Variants in OGDH observed in about 807,000 individuals in gnomAD.
OGDH encodes oxoglutarate dehydrogenase.
A neutral mutation model predicts 116.6 loss-of-function variants in OGDH; 38 were observed. The ratio of observed to expected loss-of-function variants is 0.33; its 90% confidence interval spans 0.25 to 0.43. OGDH has a LOEUF of 0.43. Among genes scored for constraint, OGDH ranks in the 20% least tolerant of loss-of-function variants. The pLI is 1.00. For missense variants in OGDH, 825 were observed against 1,357.2 expected, an observed-to-expected ratio of 0.61 and a Z score of 6.16; for synonymous variants, 488 against 533.3, an observed-to-expected ratio of 0.92 and a Z score of 1.17.
chr7:44,702,205 A>C (rs1788864257), intron 20 of OGDH, among the ~76,000 whole-genome samples: 1 of 152,194 alleles, frequency 6.6e-6, no homozygotes, highest in South Asian at 2.1e-4. Context: ...CAAGGACTCC[A>C]CTAGAGGCAA....
intron 5 of OGDH, among the ~76,000 whole-genome samples, chr7:44,671,787 A>T (rs1026535090): frequency 8.0e-5 from 10 of 124,704 alleles, no homozygotes; most frequent in African/African-American, 6.0e-5. Flanking sequence ...AAAAAAAAAA[A>T]TGCCAGACGC....
chr7:44,659,483 C>T lies in OGDH; in HGVS notation c.518-7253C>T, dbSNP rs1088866. On this transcript the variant is annotated intron_variant, in intron 4 of 22. Transcript: ENST00000222673. ...ATTGGTGTTAACTCTTCTTCAAATA[C>T]TTTATAGAATTTTCCAGCAAAATCA... Among the ~76,000 whole-genome samples the T allele has an allele frequency of 3.1e-3, 470 of 152,240 alleles. 2 individuals carry two copies. Among genetic ancestry groups the T allele is most frequent in the African/African-American group, 0.011 (459 of 41,566 alleles).
At chr7:44,666,216 G>A (rs921919914) in intron 4 of OGDH, among the ~76,000 whole-genome samples, 5 of 152,124 alleles carry the variant, frequency 3.3e-5, no homozygotes, top group African/African-American at 9.7e-5. Context: ...GTTGACTTCT[G>A]GTGACTGTTT....
intron 1 of OGDH, among the ~76,000 whole-genome samples, chr7:44,620,564 A>G (rs1784971867): frequency 6.6e-6 from 1 of 152,222 alleles, no homozygotes; most frequent in South Asian, 2.1e-4. Context: ...TAGTTGTCCC[A>G]GCACCTTCAG....
intron 10 of OGDH, among the ~76,000 whole-genome samples, chr7:44,693,175 G>A (rs570312527): frequency 1.3e-5 from 2 of 152,154 alleles, no homozygotes; most frequent in African/African-American, 4.8e-5. Context: ...AGGCATGGTG[G>A]TGCGTGCCTG....
At chr7:44,666,236 T>G (rs574941145) in intron 4 of OGDH, among the ~76,000 whole-genome samples, 1 of 152,324 alleles carries the variant, frequency 6.6e-6, no homozygotes, top group South Asian at 2.1e-4. Flanking sequence ...TCTCCTTCAC[T>G]TCTTAGTCCC....
intron 10 of OGDH, among the ~76,000 whole-genome samples, chr7:44,689,361 A>G (rs560687032): frequency 7.1e-6 from 1 of 140,902 alleles, no homozygotes; most frequent in Admixed American, 7.3e-5. Context: ...GATTACAGGC[A>G]CGCACCACCA....
chr7:44,631,085 T>C (rs189528424), intron 2 of OGDH, among the ~76,000 whole-genome samples: 18 of 152,062 alleles, frequency 1.2e-4, no homozygotes, highest in Admixed American at 2.6e-4. Context: ...GGCCCGGGGG[T>C]TGGGGATCCC....
chr7:44,635,952 C>G (rs1785651115), intron 2 of OGDH, among the ~76,000 whole-genome samples: 1 of 152,248 alleles, frequency 6.6e-6, no homozygotes, highest in Non-Finnish European at 1.5e-5. Context: ...ATCCGCCCGC[C>G]TCAGCCTCCC....
chr7:44,664,003 C>T (rs1357796129), intron 4 of OGDH, among the ~76,000 whole-genome samples: 3 of 151,828 alleles, frequency 2.0e-5, no homozygotes, highest in Non-Finnish European at 4.4e-5. Context: ...GCGATTCTAA[C>T]ATATTGGTCA....
intron 1 of OGDH, among the ~76,000 whole-genome samples, chr7:44,612,253 T>A (rs1051987554): frequency 2.0e-5 from 3 of 152,342 alleles, no homozygotes; most frequent in Middle Eastern, 3.4e-3. Flanking sequence ...ATTCCATTGA[T>A]CTTTGTGTCT....
At chr7:44,680,065 AGC>A (rs1436981988) in intron 9 of OGDH, among the ~76,000 whole-genome samples, 1 of 152,170 alleles carries the variant, frequency 6.6e-6, no homozygotes, top group East Asian at 1.9e-4. Flanking sequence ...TGCCAAAATT[AGC>A]CAGGCATGGT....
At position 44,645,512 on chromosome 7, in the gene OGDH, A is replaced by C. The variant is rs1786133694; in HGVS notation, c.408A>C (p.Ala136=). The change falls in exon 3 of 23, where the codon GCA becomes GCC. Residue 136 remains alanine (A), a synonymous_variant. Coordinates refer to ENST00000222673, the MANE Select transcript of OGDH (RefSeq NM_002541.4). ...DHLAVQSLIR[A]YQIRGHHVAQ... is the part of the protein sequence containing the mutation. ...TGGCAGTGCAGTCGCTCATCAGGGC[A>C]TATCAGGTAAGGCGGGTGCTTTACC... is the stretch of plus-strand genomic sequence containing the variant. The C allele has an allele frequency of 6.2e-7, 1 of 1,613,958 alleles. No individual in the cohort carries two copies. Among genetic ancestry groups the C allele is most frequent in the African/African-American group, 1.3e-5 (1 of 74,924 alleles).
chr7:44,647,769 T>C lies in OGDH; in HGVS notation c.517+10T>C, dbSNP rs1360641348. On this transcript the variant is annotated intron_variant, in intron 4 of 22. Transcript: ENST00000222673. ...TCCACAGACAAACTTGGTGAGGGTC[T>C]GAGAGCAGTCAGCTGCGTTGCTTGA... is the stretch of plus-strand genomic sequence containing the variant. 7 of 1,610,344 alleles carry C rather than the reference T, an allele frequency of 4.3e-6. No individual in the cohort carries two copies. The highest frequency in any genetic ancestry group is 5.9e-6 in the Non-Finnish European group (7 of 1,176,800).
chr7:44,695,005 G>A (rs930115321), intron 12 of OGDH, among the ~76,000 whole-genome samples: 1 of 152,152 alleles, frequency 6.6e-6, no homozygotes, highest in African/African-American at 2.4e-5. Flanking sequence ...AGCTATATCT[G>A]AGCATGGGAA....
chr7:44,654,463 C>A (rs1402508791), intron 4 of OGDH, among the ~76,000 whole-genome samples: 1 of 152,104 alleles, frequency 6.6e-6, no homozygotes, highest in African/African-American at 2.4e-5. Context: ...CCGGTTTGTT[C>A]CTTTGATGGC....
At chr7:44,669,813 C>A (rs1313356639) in intron 5 of OGDH, among the ~76,000 whole-genome samples, 1 of 152,134 alleles carries the variant, frequency 6.6e-6, no homozygotes, top group Non-Finnish European at 1.5e-5. Flanking sequence ...TAGAAGACTC[C>A]ATTTTCACAA....
intron 20 of OGDH, among the ~76,000 whole-genome samples, chr7:44,702,256 G>A (rs1028332582): frequency 5.3e-5 from 8 of 152,168 alleles, no homozygotes; most frequent in South Asian, 4.1e-4. Flanking sequence ...CGCTGCCTGC[G>A]GCCTCCTTCA....
Position 44,708,219 on chromosome 7 carries a change from A to T in OGDH, c.*220A>T. ...GCCCAGGCTCTGCTGACTTCTGAGC[A>T]GTTTTCCAGGAGGCCGGGGGGAGCA... On this transcript the variant is annotated 3_prime_UTR_variant, in exon 23 of 23. Transcript: ENST00000222673. 1 of 579,522 alleles carries T rather than the reference A, an allele frequency of 1.7e-6. No homozygotes were observed. Among genetic ancestry groups the T allele is most frequent in the Non-Finnish European group, 2.9e-6 (1 of 347,014 alleles). The allele number at this position is 579,522 out of a possible 1,614,324, so 35.9% of individuals were successfully genotyped here.
Sources: gnomAD v4.1 joint callset for allele counts (sites outside exome capture counted in the v4.1 genomes callset) on GRCh38, gnomAD v4.1.1 for gene constraint, MANE v1.5 for transcripts, NCBI Gene and HGNC (gene_info 2026-07-23, HGNC 2026-07-21) for gene names.